The following DNAAF6 variants were observed in gnomAD, a reference collection of about 807,000 sequenced individuals.
DNAAF6 encodes the protein PIH1 domain containing 3.
A neutral mutation model predicts 13.7 loss-of-function variants in DNAAF6; 3 were observed. The observed-to-expected ratio is 0.22, with a 90% CI of 0.10 to 0.56. The LOEUF (loss-of-function observed/expected upper bound fraction) is 0.56, where lower values mean the gene tolerates loss of function less well. Ranked by LOEUF, DNAAF6 falls within the 20% of genes least tolerant of loss-of-function variation. DNAAF6 has a pLI of 0.92. For missense variants in DNAAF6, 130 were observed against 151.0 expected (o/e 0.86, Z 0.73); for synonymous variants, 54 against 49.2 (o/e 1.10, Z -0.41).
At chrX:107,227,383 C>T (rs1444224564) in intron 5 of DNAAF6, among the ~76,000 whole-genome samples, 1 of 111,930 alleles carries the variant, frequency 8.9e-6, no homozygotes, top group African/African-American at 3.3e-5. Context: ...AGGCACCGTG[C>T]CTGGCCTATA....
intron 1 of DNAAF6, among the ~76,000 whole-genome samples, chrX:107,207,842 C>G (rs1927746340): frequency 9.0e-6 from 1 of 110,559 alleles, no homozygotes; most frequent in African/African-American, 3.3e-5. Flanking sequence ...TCACCTGAGC[C>G]CTGGAGATCG....
chrX:107,210,316 T>G (rs1451061627), intron 1 of DNAAF6, among the ~76,000 whole-genome samples: 1 of 112,497 alleles, frequency 8.9e-6, no homozygotes, highest in African/African-American at 3.2e-5. Flanking sequence ...TTTTCCTTAC[T>G]TTAAGTTTAT....
intron 2 of DNAAF6, among the ~76,000 whole-genome samples, chrX:107,214,795 G>A (rs948168567): frequency 1.8e-5 from 2 of 111,847 alleles, no homozygotes; most frequent in Non-Finnish European, 3.8e-5. Context: ...GGAACTGTGG[G>A]ATGATTACAA....
intron 4 of DNAAF6, among the ~76,000 whole-genome samples, chrX:107,220,401 T>C (rs1470796589): frequency 8.9e-6 from 1 of 112,245 alleles, no homozygotes; most frequent in Non-Finnish European, 1.9e-5. Flanking sequence ...CAAATATCCA[T>C]ATGCAGCAAA....
intron 5 of DNAAF6, among the ~76,000 whole-genome samples, chrX:107,224,574 C>T (rs761820984): frequency 1.8e-5 from 2 of 111,045 alleles, no homozygotes; most frequent in Non-Finnish European, 3.8e-5. Flanking sequence ...TATTTAGAGG[C>T]AAACACCATG....
Position 107,243,577 on chromosome X carries a change from C to A in DNAAF6, c.*279C>A, listed in dbSNP as rs1271715184. 5.7e-6 allele frequency: 1 copy of A among 174,767 alleles called. No homozygotes were observed. Among genetic ancestry groups the A allele is most frequent in the African/African-American group, 3.1e-5 (1 of 32,219 alleles). The allele number at this position is 174,767 out of a possible 1,213,427, so 14.4% of individuals were successfully genotyped here. A position where few individuals can be genotyped will look rare whatever the true frequency, so the allele number is the denominator to read the frequency against. On this transcript the variant is annotated 3_prime_UTR_variant, in exon 7 of 7. Transcript: ENST00000372453. Reference sequence around the variant, plus strand: ...TTGAGGTCAGGAGTTTGAGACCAGCCTGGTCAACATGGCGAAACCCTGTCT... The same window carrying A: ...TTGAGGTCAGGAGTTTGAGACCAGCATGGTCAACATGGCGAAACCCTGTCT...
At chrX:107,223,019 TAAAC>T (rs1928182093) in intron 5 of DNAAF6, among the ~76,000 whole-genome samples, 178 bp downstream of exon 5, 1 of 112,298 alleles carries the variant, frequency 8.9e-6, no homozygotes, top group Admixed American at 9.5e-5. Flanking sequence ...TTGTACAAAA[TAAAC>T]TAAGTTTACA....
intron 6 of DNAAF6, among the ~76,000 whole-genome samples, chrX:107,240,793 G>A (rs1221448738): frequency 9.0e-6 from 1 of 111,574 alleles, no homozygotes; most frequent in African/African-American, 3.2e-5. Flanking sequence ...GTCTTCATAT[G>A]AGATTTCATT....
intron 5 of DNAAF6, among the ~76,000 whole-genome samples, chrX:107,225,535 G>A (rs1928236144): frequency 9.0e-6 from 1 of 111,090 alleles, no homozygotes; most frequent in African/African-American, 3.3e-5. Context: ...TGTTATTTGT[G>A]TCCTGGACCT....
intron 5 of DNAAF6, among the ~76,000 whole-genome samples, chrX:107,228,344 T>C (rs187817482): frequency 5.4e-4 from 60 of 111,292 alleles, no homozygotes; most frequent in Middle Eastern, 9.2e-3. Flanking sequence ...CCAGCAAATA[T>C]AGATTGTTCT....
intron 5 of DNAAF6, among the ~76,000 whole-genome samples, chrX:107,234,302 T>C (rs1229804147): frequency 8.9e-6 from 1 of 112,587 alleles, no homozygotes; most frequent in Non-Finnish European, 1.9e-5. Flanking sequence ...CAGAGGTAAA[T>C]ATTTTTATAA....
At chrX:107,222,064 A>C (rs1267883327) in intron 4 of DNAAF6, among the ~76,000 whole-genome samples, 1 of 111,093 alleles carries the variant, frequency 9.0e-6, no homozygotes, top group Non-Finnish European at 1.9e-5. Context: ...GTGAATTGTC[A>C]TGTGTGGGGT....
intron 5 of DNAAF6, among the ~76,000 whole-genome samples, chrX:107,223,669 C>T (rs1295205912): frequency 9.0e-6 from 1 of 111,005 alleles, no homozygotes; most frequent in African/African-American, 3.3e-5. Flanking sequence ...CCATGGTGCC[C>T]ATGGGAGATG....
intron 4 of DNAAF6, among the ~76,000 whole-genome samples, chrX:107,220,415 C>G (rs1602681307): frequency 8.9e-6 from 1 of 112,050 alleles, no homozygotes; most frequent in East Asian, 2.8e-4. Context: ...CAGCAAACTT[C>G]AAATTTGAGT....
chrX:107,229,987 T>C (rs1162913715), intron 5 of DNAAF6, among the ~76,000 whole-genome samples: 1 of 111,734 alleles, frequency 8.9e-6, no homozygotes, highest in African/African-American at 3.3e-5. Flanking sequence ...ACCCCCGGCC[T>C]CATATAACTA....
intron 5 of DNAAF6, among the ~76,000 whole-genome samples, chrX:107,230,031 A>G (rs921790414): frequency 9.0e-6 from 1 of 111,060 alleles, no homozygotes; most frequent in Non-Finnish European, 1.9e-5. Context: ...TTAATAGACA[A>G]CTCAAACCTA....
intron 6 of DNAAF6, among the ~76,000 whole-genome samples, chrX:107,240,186 G>T (rs1338652090): frequency 8.9e-6 from 1 of 111,771 alleles, no homozygotes; most frequent in Non-Finnish European, 1.9e-5. Flanking sequence ...TTTGTTCTGT[G>T]AGGATACATT....
In DNAAF6 at chrX:107,229,110, C is replaced by T. The variant is rs185314148; in HGVS notation, c.429+6269C>T. Among the ~76,000 whole-genome samples, 21 of 94,955 alleles carry T rather than the reference C, an allele frequency of 2.2e-4. No homozygotes were observed. The Admixed American group carries it at 2.4e-3, about 11-fold the overall frequency. The allele number at this position is 94,955 out of a possible 115,157, so 82.5% of individuals were successfully genotyped here. A position where few individuals can be genotyped will look rare whatever the true frequency, so the allele number is the denominator to read the frequency against. The stretch of plus-strand genomic sequence containing the variant: ...GAGGGTGCTGCTACTCAGCAGCATT[C>T]CACCCTGTTGACTACTCTTTTTTTT... On this transcript the variant is annotated intron_variant, in intron 5 of 6. Coordinates refer to ENST00000372453, the MANE Select transcript of DNAAF6 (RefSeq NM_173494.2).
rs767242109 is a variant in DNAAF6 at position 107,212,976 on chromosome X, C to T, written c.101C>T (p.Ala34Val). 5 of 1,205,690 alleles carry T rather than the reference C, an allele frequency of 4.1e-6. No individual in the cohort carries two copies. Among genetic ancestry groups the T allele is most frequent in the Non-Finnish European group, 5.6e-6 (5 of 893,346 alleles). ...ESVSSVTALE[A>V]LSKLLNPEEE... ...GTTTCTTCAGTTACAGCTCTGGAAG[C>T]CCTCTCTAAGCTACTTAATCCTGAA... Residue 34 changes from alanine to valine, a missense_variant, in exon 2 of 7, where the codon GCC becomes GTC. Physicochemically the swap from Ala to Val is moderately conservative, Grantham distance 64 (BLOSUM62 0). Transcript: ENST00000372453.
Sources: gnomAD v4.1 joint callset for allele counts (sites outside exome capture counted in the v4.1 genomes callset) on GRCh38, gnomAD v4.1.1 for gene constraint, MANE v1.5 for transcripts, NCBI Gene and HGNC (gene_info 2026-07-23, HGNC 2026-07-21) for gene names.